Variants in CC2D1A observed in about 807,000 individuals in gnomAD.
CC2D1A encodes coiled-coil and C2 domain-containing protein 1A.
Under a neutral mutation model 123.8 loss-of-function variants are expected in CC2D1A, and 68 were observed. The observed-to-expected ratio is 0.55, with a 90% CI of 0.45 to 0.67. CC2D1A has a LOEUF of 0.67. Ranked by LOEUF, CC2D1A falls within the 30% of genes least tolerant of loss-of-function variation. The pLI is 0.00. For synonymous variants in CC2D1A, 477 were observed against 528.0 expected (o/e 0.90, Z 1.32); for missense variants, 1,185 against 1,290.3 (o/e 0.92, Z 1.25).
At chr19:13,922,279 G>A (rs940890747) in intron 14 of CC2D1A, among the ~76,000 whole-genome samples, 1 of 152,172 alleles carries the variant, frequency 6.6e-6, no homozygotes, top group Non-Finnish European at 1.5e-5. Context: ...TGGGATTACA[G>A]GCATGAGCCA....
chr19:13,923,900 A>T lies in CC2D1A; in HGVS notation c.1940+89A>T. ...GTTGTGCTCCCCAGAAGCTGGCACA[A>T]GATTTACATCTGGAAGAAATTTTGG... On this transcript the variant is annotated intron_variant, in intron 17 of 28. Coordinates refer to ENST00000318003, the MANE Select transcript of CC2D1A (RefSeq NM_017721.5). The surrounding 1 kb of genome is among the most constrained non-coding windows in gnomAD (Gnocchi z 5.3). 2 of 960,258 alleles carry T rather than the reference A, an allele frequency of 2.1e-6. No homozygotes were observed. Among genetic ancestry groups the T allele is most frequent in the Admixed American group, 3.9e-5 (2 of 51,248 alleles). The allele number at this position is 960,258 out of a possible 1,614,324, so 59.5% of individuals were successfully genotyped here.
chr19:13,913,474 T>C lies in CC2D1A; in HGVS notation c.584T>C (p.Val195Ala). 1 of 1,614,214 alleles carries C rather than the reference T, an allele frequency of 6.2e-7. No homozygotes were observed. Among genetic ancestry groups the C allele is most frequent in the Non-Finnish European group, 8.5e-7 (1 of 1,180,044 alleles). ...GACGAAGCGGACATCCCGCCGCCAG[T>C]GGCCATAGGAAAAGGCCCGGCGTCC... is the stretch of plus-strand genomic sequence containing the variant. Reference protein sequence around the residue: ...AIDEADIPPPVAIGKGPASTP... With the variant: ...AIDEADIPPPAAIGKGPASTP... Residue 195 changes from valine (V) to alanine (A), a missense_variant, in exon 6 of 29, where the codon GTG becomes GCG. Transcript: ENST00000318003.
chr19:13,926,046 A>ATATATG (rs748971572), intron 17 of CC2D1A, among the ~76,000 whole-genome samples: 1 of 51,164 alleles, frequency 2.0e-5, no homozygotes, highest in Non-Finnish European at 3.4e-5. Context: ...ATATATATAC[A>ATATATG]CGTATATATA....
At position 13,920,826 on chromosome 19, in the gene CC2D1A, C is replaced by T. The variant is rs370475551; in HGVS notation, c.1545C>T (p.Asn515=). 154 of 1,614,154 alleles carry T rather than the reference C, an allele frequency of 9.5e-5. No homozygotes were observed. The highest frequency in any genetic ancestry group is 2.2e-4 in the East Asian group (10 of 44,882). Residue 515 remains asparagine (N), a synonymous_variant, in exon 14 of 29, where the codon AAC becomes AAT. Transcript: ENST00000318003. ...LQAALRAKQK[N]DVEGAKMHLR... The stretch of plus-strand genomic sequence containing the variant: ...CCGCACTGCGAGCCAAGCAGAAAAA[C>T]GACGTGGAGGGTGCCAAGATGCACC...
In CC2D1A at chr19:13,930,233, C is replaced by A. The variant is rs773263636; in HGVS notation, c.2788-9C>A. 1.8e-5 allele frequency: 29 copies of A among 1,613,824 alleles called. No homozygotes were observed. The highest frequency in any genetic ancestry group is 2.5e-5 in the Non-Finnish European group (29 of 1,179,916). On this transcript the variant is annotated splice_polypyrimidine_tract_variant and intron_variant, in intron 27 of 28. Transcript: ENST00000318003. The surrounding 1 kb of genome is among the most constrained non-coding windows in gnomAD (Gnocchi z 6.8). ...CAGGGACTACCTGCTGAATGCCCATCCCCCACAGGATGCTGCAAAGGAGGC... is the reference window on the plus strand; with the variant it reads ...CAGGGACTACCTGCTGAATGCCCATACCCCACAGGATGCTGCAAAGGAGGC...
Position 13,930,172 on chromosome 19 carries a change from C to T in CC2D1A, c.2787+18C>T, listed in dbSNP as rs780756161. 3.7e-5 allele frequency: 59 copies of T among 1,613,092 alleles called. No individual in the cohort carries two copies. Among genetic ancestry groups the T allele is most frequent in the East Asian group, 8.9e-5 (4 of 44,878 alleles). ...GCAGCAGGGTGAGCTGGTCGCGGGC[C>T]GGGTGGGCACTGGGCAGCGGGCAGG... On this transcript the variant is annotated intron_variant, in intron 27 of 28. Coordinates refer to ENST00000318003, the MANE Select transcript of CC2D1A (RefSeq NM_017721.5). This position sits in a 1 kb window ranked among gnomAD's most constrained non-coding sequence, Gnocchi z 6.8.
chr19:13,918,791 C>T lies in CC2D1A; in HGVS notation c.992C>T (p.Thr331Ile), dbSNP rs781498477. The stretch of plus-strand genomic sequence containing the variant: ...CCGTCACCACCGTCGCAGCCTCCGA[C>T]CCCCGCTACGGCGCCCTCCACAACA... ...DPPSPPSQPP[T>I]PATAPSTTEV... Residue 331 changes from threonine to isoleucine, a missense_variant, in exon 9 of 29, where the codon ACC becomes ATC. Thr to Ile is a moderately conservative substitution (Grantham distance 89). Transcript: ENST00000318003. The T allele has an allele frequency of 3.1e-6, 5 of 1,613,400 alleles. No individual in the cohort carries two copies. Among genetic ancestry groups the T allele is most frequent in the South Asian group, 2.2e-5 (2 of 90,996 alleles).
At position 13,927,802 on chromosome 19, in the gene CC2D1A, A is replaced by AT. The variant is rs976716781; in HGVS notation, c.2317-91_2317-90insT. On this transcript the variant is annotated intron_variant, in intron 22 of 28. Transcript: ENST00000318003. The stretch of plus-strand genomic sequence containing the variant: ...ATCTCAGAAAAAAAAAAAACCAAAA[A>AT]AAAAAACCAGTCTTGTTCTCCCTTG... The AT allele has an allele frequency of 1.2e-5, 17 of 1,408,196 alleles. No individual in the cohort carries two copies. The African/African-American group carries it at 2.5e-4, about 20-fold the overall frequency. The allele number at this position is 1,408,196 out of a possible 1,614,324, so 87.2% of individuals were successfully genotyped here. A position where few individuals can be genotyped will look rare whatever the true frequency, so the allele number is the denominator to read the frequency against.
At chr19:13,910,413 A>C (rs1362960588) in intron 2 of CC2D1A, among the ~76,000 whole-genome samples, 1 of 150,900 alleles carries the variant, frequency 6.6e-6, no homozygotes, top group African/African-American at 2.4e-5. Flanking sequence ...GTCTCAAAAA[A>C]AAAAAAAAAA....
Position 13,927,272 on chromosome 19 carries a change from G to T in CC2D1A, c.2316+7G>T, listed in dbSNP as rs894282430. 2 of 1,610,922 alleles carry T rather than the reference G, an allele frequency of 1.2e-6. No homozygotes were observed. Among genetic ancestry groups the T allele is most frequent in the Non-Finnish European group, 1.7e-6 (2 of 1,177,148 alleles). On this transcript the variant is annotated splice_region_variant and intron_variant, in intron 22 of 28. Coordinates refer to ENST00000318003, the MANE Select transcript of CC2D1A (RefSeq NM_017721.5). ...GGTCCGGGAGATCCTTGAGGTGAGA[G>T]GTGGACATTCATCCGCGTGCTCCGG...
chr19:13,920,932 C>G lies in CC2D1A; in HGVS notation c.1641+10C>G, dbSNP rs910595736. The G allele has an allele frequency of 6.2e-7, 1 of 1,605,396 alleles. No individual in the cohort carries two copies. Among genetic ancestry groups the G allele is most frequent in the Non-Finnish European group, 8.5e-7 (1 of 1,175,002 alleles). On this transcript the variant is annotated intron_variant, in intron 14 of 28. Coordinates refer to ENST00000318003, the MANE Select transcript of CC2D1A (RefSeq NM_017721.5). ...TGTGGACATCACCAAGGTGAACCTT[C>G]TGGGCTTGTGGGAACTGCCCAGGCA...
chr19:13,927,830 C>T, intron 22 of CC2D1A, 63 bp from the exon 23 acceptor site: 4 of 1,551,416 alleles, frequency 2.6e-6, no homozygotes, highest in African/African-American at 1.4e-5. Flanking sequence ...CTCCCTTGTC[C>T]TGGCCCTGGG....
rs1469603638 is a variant in CC2D1A at position 13,926,671 on chromosome 19, G to T, written c.2019G>T (p.Leu673=). 4 of 1,614,172 alleles carry T rather than the reference G, an allele frequency of 2.5e-6. No homozygotes were observed. In the East Asian group the frequency reaches 8.9e-5, roughly 36 times the overall value. Residue 673 remains leucine, a synonymous_variant, in exon 19 of 29, where the codon CTG becomes CTT. Coordinates refer to ENST00000318003, the MANE Select transcript of CC2D1A (RefSeq NM_017721.5). ...KGINLPTPPG[L]SPGDLDVFVR... ...CTGACCGTTGTTTGCCCACAGGACT[G>T]TCCCCTGGCGATCTGGATGTCTTTG... is the stretch of plus-strand genomic sequence containing the variant.
chr19:13,906,331 G>A lies in CC2D1A; in HGVS notation c.-111G>A. On this transcript the variant is annotated 5_prime_UTR_variant, in exon 1 of 29. Coordinates refer to ENST00000318003, the MANE Select transcript of CC2D1A (RefSeq NM_017721.5). The surrounding 1 kb of genome is among the most constrained non-coding windows in gnomAD (Gnocchi z 4.1). ...TCGGGATCGACGGCCGCGGGGCGCC[G>A]ACGAGGAGTGCAGGACTCAGGAAGG... The A allele has an allele frequency of 1.2e-6, 1 of 805,020 alleles. No individual in the cohort carries two copies. The highest frequency in any genetic ancestry group is 2.5e-5 in the South Asian group (1 of 39,376). 49.9% of individuals were successfully genotyped at this position (805,020 alleles called of 1,614,324 possible).
At chr19:13,912,723 G>A in intron 4 of CC2D1A, 130 bp downstream of exon 4, 1 of 885,724 alleles carries the variant, frequency 1.1e-6, no homozygotes, top group East Asian at 2.6e-5. Flanking sequence ...TGCCATCTCA[G>A]CTCACTACAA....
chr19:13,907,369 C>T (rs754133935), intron 1 of CC2D1A, among the ~76,000 whole-genome samples: 7 of 152,110 alleles, frequency 4.6e-5, no homozygotes, highest in Non-Finnish European at 1.0e-4. Flanking sequence ...TATGATTGCG[C>T]TACTTCTGCT....
Position 13,926,546 on chromosome 19 carries a change from T to C in CC2D1A, c.1970T>C (p.Met657Thr). ...TTCCCTGACCTCAGCAGCAACGACA[T>C]GCTCCTCTTCATCGTGAAGGGCATC... ...KIFPDLSSND[M>T]LLFIVKGINL... Residue 657 changes from methionine (M) to threonine (T), a missense_variant, in exon 18 of 29, where the codon ATG becomes ACG. Met to Thr is a moderately conservative substitution (Grantham distance 81). Coordinates refer to ENST00000318003, the MANE Select transcript of CC2D1A (RefSeq NM_017721.5). 1 of 1,614,098 alleles carries C rather than the reference T, an allele frequency of 6.2e-7. No homozygotes were observed.
chr19:13,907,143 A>T (rs1970786766), intron 1 of CC2D1A, among the ~76,000 whole-genome samples: 1 of 152,124 alleles, frequency 6.6e-6, no homozygotes, highest in African/African-American at 2.4e-5. Context: ...TAAAATGGAG[A>T]TCTCTATAAT....
intron 14 of CC2D1A, among the ~76,000 whole-genome samples, chr19:13,922,105 G>A (rs186850301): frequency 1.3e-3 from 198 of 152,268 alleles, no homozygotes; most frequent in African/African-American, 4.5e-3. Context: ...AGGCTCAAGC[G>A]ATTCTCCTGC....
Sources: allele counts gnomAD v4.1 joint callset (sites outside exome capture counted in the v4.1 genomes callset), GRCh38; gene constraint gnomAD v4.1.1; non-coding constraint Gnocchi (gnomAD v3.1); transcripts MANE v1.5; gene names NCBI Gene and HGNC (gene_info 2026-07-23, HGNC 2026-07-21).